DYNC2LI1: variants seen among roughly 807,000 people sequenced by gnomAD.
DYNC2LI1 encodes cytoplasmic dynein 2 light intermediate chain 1.
Under a neutral mutation model 51.9 loss-of-function variants are expected in DYNC2LI1, and 45 were observed. The ratio of observed to expected loss-of-function variants is 0.87; its 90% CI spans 0.68 to 1.11. The LOEUF (loss-of-function observed/expected upper bound fraction) is 1.11, where lower values mean the gene tolerates loss of function less well. Ranked by LOEUF, DYNC2LI1 falls within the 50% of genes most tolerant of loss-of-function variation. The probability of loss-of-function intolerance (pLI) is 0.00; values close to 1 mark genes in which losing one functional copy is unlikely to be tolerated. For missense variants in DYNC2LI1, 490 were observed against 417.4 expected (o/e 1.17, Z -1.51); for synonymous variants, 130 against 137.8 (o/e 0.94, Z 0.40).
the DYNC2LI1 span, among the ~76,000 whole-genome samples, chr2:43,818,298 G>A: frequency 1.3e-5 from 2 of 152,058 alleles, no homozygotes; most frequent in Non-Finnish European, 2.9e-5. Context: ...ACAAAAATTA[G>A]CCGAGCATGG....
chr2:43,777,417 T>C (rs1032001200), intron 2 of DYNC2LI1, among the ~76,000 whole-genome samples: 5 of 152,180 alleles, frequency 3.3e-5, no homozygotes, highest in African/African-American at 1.2e-4. Context: ...TGGCCAAGCA[T>C]ACAGAAAGGC....
downstream of DYNC2LI1, among the ~76,000 whole-genome samples, chr2:43,810,677 A>G (rs1666450492): frequency 6.6e-6 from 1 of 152,178 alleles, no homozygotes; most frequent in South Asian, 2.1e-4. Context: ...TATTGCAATG[A>G]ACTAGGACTT....
At chr2:43,823,956 C>A in the DYNC2LI1 span, 3 of 1,614,200 alleles carry the variant, frequency 1.9e-6, no homozygotes, top group Non-Finnish European at 2.5e-6. Context: ...GGGTGGCGCC[C>A]ACAAACTGGT....
At chr2:43,794,850 C>T in intron 6 of DYNC2LI1, 2 of 1,435,014 alleles carry the variant, frequency 1.4e-6, no homozygotes, top group Non-Finnish European at 1.8e-6. Flanking sequence ...TCTTGTTAGA[C>T]ATCTTCTGTG....
chr2:43,808,475 C>T lies in DYNC2LI1; in HGVS notation c.994-1230C>T, dbSNP rs149432342. Among the ~76,000 whole-genome samples, 319 of 152,226 alleles carry T rather than the reference C, an allele frequency of 2.1e-3. 1 individual carries two copies. Among genetic ancestry groups the T allele is most frequent in the African/African-American group, 7.3e-3 (302 of 41,534 alleles). On this transcript the variant is annotated intron_variant, in intron 12 of 12. Transcript: ENST00000260605. ...TGATTGCCTCATCTTGCAGAGTAAC[C>T]ACGTTTTATTTGAAGTAGTGACAAC...
the DYNC2LI1 span, chr2:43,827,913 GC>G: frequency 6.2e-7 from 1 of 1,601,940 alleles, no homozygotes. Flanking sequence ...TGAAGAAAGG[GC>G]CCAAAGTATC....
At chr2:43,776,978 G>C (rs1673056105) in intron 2 of DYNC2LI1, 79 bp downstream of exon 2, 1 of 762,360 alleles carries the variant, frequency 1.3e-6, no homozygotes, top group African/African-American at 1.8e-5. Context: ...TGATTAAAAT[G>C]TAGATACTTC....
At chr2:43,778,428 A>G (rs1233974448) in intron 2 of DYNC2LI1, among the ~76,000 whole-genome samples, 3 of 152,224 alleles carry the variant, frequency 2.0e-5, no homozygotes, top group Non-Finnish European at 4.4e-5. Flanking sequence ...TGCTGGGATT[A>G]CAGGCATGAG....
chr2:43,815,975 A>C, the DYNC2LI1 span, among the ~76,000 whole-genome samples: 8,513 of 150,464 alleles, frequency 0.057, 391 homozygotes, highest in African/African-American at 0.13. Flanking sequence ...AAAGGCCTGG[A>C]GTAGGATGAT....
the DYNC2LI1 span, chr2:43,827,926 GCA>G: frequency 6.2e-7 from 1 of 1,608,702 alleles, no homozygotes; most frequent in Non-Finnish European, 8.5e-7. Context: ...CAAAGTATCT[GCA>G]CACACACAGA....
chr2:43,794,630 C>G lies in DYNC2LI1; in HGVS notation c.494C>G (p.Pro165Arg), dbSNP rs773981319. ...AGACAGAAGATCTGGAATAATATGC[C>G]GAAGGATCATCCTGTGAGTTGCTGT... ...EMRQKIWNNM[P>R]KDHPDHELID... is the part of the protein sequence containing the mutation. The change falls in exon 6 of 13, where the codon CCG (proline) becomes CGG (arginine). Residue 165 changes from proline (P) to arginine (R), a missense_variant. Coordinates refer to ENST00000260605, the MANE Select transcript of DYNC2LI1 (RefSeq NM_016008.4). 1.9e-6 allele frequency: 3 copies of G among 1,613,950 alleles called. No homozygotes were observed. Among genetic ancestry groups the G allele is most frequent in the Non-Finnish European group, 1.7e-6 (2 of 1,179,956 alleles).
intron 1 of DYNC2LI1, among the ~76,000 whole-genome samples, chr2:43,775,463 G>A (rs1050133320): frequency 1.1e-4 from 16 of 150,756 alleles, no homozygotes; most frequent in Admixed American, 5.4e-4. Context: ...CAAAATGTTT[G>A]TGGTTTTAGG....
downstream of DYNC2LI1, among the ~76,000 whole-genome samples, chr2:43,815,006 A>C (rs542857314): frequency 6.6e-6 from 1 of 152,204 alleles, no homozygotes; most frequent in Non-Finnish European, 1.5e-5. Context: ...CAAGTAGACG[A>C]TTACTGTCTA....
At chr2:43,813,708 C>CCTTTT (rs1558715512), downstream of DYNC2LI1, among the ~76,000 whole-genome samples, 1 of 35,368 alleles carries the variant, frequency 2.8e-5, no homozygotes, top group Non-Finnish European at 5.7e-5. Context: ...TTTTTTTTTT[C>CCTTTT]GTTTTTTTTT....
At chr2:43,816,231 C>T in the DYNC2LI1 span, among the ~76,000 whole-genome samples, 5 of 152,306 alleles carry the variant, frequency 3.3e-5, no homozygotes, top group East Asian at 7.7e-4. Flanking sequence ...TGGTCCAAGG[C>T]CTAATTGGGC....
At chr2:43,796,101 G>T in intron 7 of DYNC2LI1, 143 bp downstream of exon 7, 1 of 646,694 alleles carries the variant, frequency 1.5e-6, no homozygotes, top group Non-Finnish European at 2.6e-6. Flanking sequence ...TTTTGGAAAA[G>T]ACATAGTTGG....
In DYNC2LI1 at chr2:43,775,056, C is replaced by T. The variant is rs558949682; in HGVS notation, c.8+910C>T. Among the ~76,000 whole-genome samples, 11 of 152,216 alleles carry T rather than the reference C, an allele frequency of 7.2e-5. No individual in the cohort carries two copies. In the South Asian group the frequency reaches 2.3e-3, roughly 32 times the overall value. ...GTTCTTGAATAGTATAATTACAAGC[C>T]CTCAATAATTTTTGTAATTGTATAG... On this transcript the variant is annotated intron_variant, in intron 1 of 12. Transcript: ENST00000260605.
intron 4 of DYNC2LI1, among the ~76,000 whole-genome samples, chr2:43,788,298 T>A (rs1673616702): frequency 1.3e-5 from 2 of 152,180 alleles, no homozygotes; most frequent in Admixed American, 1.3e-4. Flanking sequence ...TGAAATTTTG[T>A]CAAAAATCCA....
chr2:43,796,127 G>A (rs560375266), intron 7 of DYNC2LI1, among the ~76,000 whole-genome samples, 169 bp downstream of exon 7: 1 of 152,196 alleles, frequency 6.6e-6, no homozygotes, highest in African/African-American at 2.4e-5. Context: ...AAAAAAATAG[G>A]TAAAGAAAAT....
Sources: allele counts gnomAD v4.1 joint callset (sites outside exome capture counted in the v4.1 genomes callset), GRCh38; gene constraint gnomAD v4.1.1; transcripts MANE v1.5; gene names NCBI Gene and HGNC (gene_info 2026-07-23, HGNC 2026-07-21).